LRPPRC: variants seen among roughly 807,000 people sequenced by gnomAD.
LRPPRC encodes the protein leucine-rich PPR motif-containing protein, mitochondrial.
In LRPPRC, 120 loss-of-function variants were observed where a neutral mutation model predicts 180.3. The ratio of observed to expected loss-of-function variants is 0.67; its 90% CI spans 0.57 to 0.77. The LOEUF (loss-of-function observed/expected upper bound fraction) is 0.77. Among genes scored for constraint, LRPPRC ranks in the 30% least tolerant of loss-of-function variants. LRPPRC has a pLI of 0.00. For missense variants in LRPPRC, 2,012 were observed against 1,657.2 expected (o/e 1.21, Z -3.72); for synonymous variants, 723 against 600.0 (o/e 1.21, Z -3.00).
chr2:43,966,386 A>T (rs1294305846), intron 11 of LRPPRC, among the ~76,000 whole-genome samples: 2 of 151,552 alleles, frequency 1.3e-5, no homozygotes, highest in Non-Finnish European at 2.9e-5. Context: ...TTGCTGAGAG[A>T]GTTGATCTCA....
Position 43,995,972 on chromosome 2 carries a change from A to G in LRPPRC, c.-25T>C. On this transcript the variant is annotated 5_prime_UTR_variant, in exon 1 of 38. Coordinates refer to ENST00000260665, the MANE Select transcript of LRPPRC (RefSeq NM_133259.4). ...TTGCTCGAACGTCCCCGCAGCGGGA[A>G]GCACGCTCCGCCAGAAGGACAGGAG... is the stretch of plus-strand genomic sequence containing the variant. 1 of 1,523,668 alleles carries G rather than the reference A, an allele frequency of 6.6e-7. No individual in the cohort carries two copies. The highest frequency in any genetic ancestry group is 8.8e-7 in the Non-Finnish European group (1 of 1,142,110). 94.4% of individuals were successfully genotyped at this position (1,523,668 alleles called of 1,614,324 possible). A position where few individuals can be genotyped will look rare whatever the true frequency, so the allele number is the denominator to read the frequency against.
intron 11 of LRPPRC, among the ~76,000 whole-genome samples, chr2:43,966,135 G>C (rs1307180962): frequency 6.6e-6 from 1 of 151,824 alleles, no homozygotes; most frequent in Non-Finnish European, 1.5e-5. Context: ...TAAAAACAAA[G>C]AAAATCCTGT....
chr2:43,941,468 G>A (rs566086254), intron 23 of LRPPRC, among the ~76,000 whole-genome samples: 28 of 152,264 alleles, frequency 1.8e-4, no homozygotes, highest in African/African-American at 6.0e-4. Flanking sequence ...TTTGCCAGAT[G>A]AGCTCATACC....
chr2:43,947,346 A>G lies in LRPPRC; in HGVS notation c.1990T>C (p.Leu664=), dbSNP rs1175205497. The G allele has an allele frequency of 3.1e-6, 5 of 1,595,182 alleles. No homozygotes were observed. Among genetic ancestry groups the G allele is most frequent in the East Asian group, 4.5e-5 (2 of 44,658 alleles). Residue 664 remains leucine (L), a synonymous_variant, in exon 20 of 38, where the codon TTG becomes CTG. Transcript: ENST00000260665. ...QKTVQLTSSE[L]ESTLETLKAE... ...TTTAGTGTTTCAAGTGTGGACTCCA[A>G]TTCAGATGATGTAAGTTGCACAGTC...
At chr2:43,928,341 T>C (rs1671963607) in intron 25 of LRPPRC, among the ~76,000 whole-genome samples, 1 of 152,180 alleles carries the variant, frequency 6.6e-6, no homozygotes, top group Non-Finnish European at 1.5e-5. Flanking sequence ...AAAATAGATA[T>C]CCAATAATTA....
rs145277664 is a variant in LRPPRC at position 43,932,115 on chromosome 2, C to T, written c.2736+2075G>A. Among the ~76,000 whole-genome samples the T allele has an allele frequency of 2.7e-4, 21 of 77,382 alleles. No individual in the cohort carries two copies. The East Asian group carries it at 0.012, about 44-fold the overall frequency. The allele number at this position is 77,382 out of a possible 152,430, so 50.8% of individuals were successfully genotyped here. The stretch of plus-strand genomic sequence containing the variant: ...CTACAGCCTGGCTAACAAAGCAAGA[C>T]CCTGTCTCAAAAAAAAAAAAAAAAA... On this transcript the variant is annotated intron_variant, in intron 25 of 37. Coordinates refer to ENST00000260665, the MANE Select transcript of LRPPRC (RefSeq NM_133259.4).
chr2:43,890,670 G>T (rs1413505441), intron 36 of LRPPRC, among the ~76,000 whole-genome samples: 1 of 152,164 alleles, frequency 6.6e-6, no homozygotes, highest in East Asian at 1.9e-4. Flanking sequence ...CCGAGATGGT[G>T]CCACTGCACT....
At position 43,920,515 on chromosome 2, in the gene LRPPRC, T is replaced by C. The variant is rs72798850; in HGVS notation, c.2897-2117A>G. Among the ~76,000 whole-genome samples, 493 of 152,312 alleles carry C rather than the reference T, an allele frequency of 3.2e-3. No homozygotes were observed. In the Middle Eastern group the frequency reaches 0.037, roughly 12 times the overall value. On this transcript the variant is annotated intron_variant, in intron 27 of 37. Coordinates refer to ENST00000260665, the MANE Select transcript of LRPPRC (RefSeq NM_133259.4). Reference sequence around the variant, plus strand: ...TAACCTAAAGTGCAGAGTGATTTTATACATATACTGATAAAATTAGCCCAA... The same window carrying C: ...TAACCTAAAGTGCAGAGTGATTTTACACATATACTGATAAAATTAGCCCAA...
chr2:43,979,567 TTGAC>T (rs1218032132), intron 3 of LRPPRC, among the ~76,000 whole-genome samples: 1 of 152,198 alleles, frequency 6.6e-6, no homozygotes, highest in Admixed American at 6.5e-5. Context: ...ATTTATAACT[TTGAC>T]AGACAAACCG....
intron 24 of LRPPRC, among the ~76,000 whole-genome samples, 194 bp from the exon 25 acceptor site, chr2:43,934,490 G>A (rs992003498): frequency 6.6e-6 from 1 of 150,910 alleles, no homozygotes; most frequent in Non-Finnish European, 1.5e-5. Flanking sequence ...TGAGGATAAG[G>A]GTAAAAAAAA....
chr2:43,918,295 A>G lies in LRPPRC; in HGVS notation c.3000T>C (p.Leu1000=), dbSNP rs2105026056. The change falls in exon 28 of 38, where the codon CTT becomes CTC. Residue 1000 remains leucine, a synonymous_variant. Coordinates refer to ENST00000260665, the MANE Select transcript of LRPPRC (RefSeq NM_133259.4). Reference sequence around the variant, plus strand: ...ACGGAACTTCCTGGTTACCCTCTCTAAGGATTTCTGCTAATAATCTTAATG... The same window carrying G: ...ACGGAACTTCCTGGTTACCCTCTCTGAGGATTTCTGCTAATAATCTTAATG... ...EKTLRLLAEI[L]REGNQEVPFD... The G allele has an allele frequency of 6.2e-7, 1 of 1,612,360 alleles. No homozygotes were observed. Among genetic ancestry groups the G allele is most frequent in the Non-Finnish European group, 8.5e-7 (1 of 1,178,454 alleles).
chr2:43,925,998 G>A (rs1242979513), intron 25 of LRPPRC, 37 bp from the exon 26 acceptor site: 22 of 1,194,094 alleles, frequency 1.8e-5, no homozygotes, highest in Non-Finnish European at 2.6e-5. Context: ...CCCAAGGTAA[G>A]GCTTCGGCTG....
At chr2:43,975,356 A>T in intron 6 of LRPPRC, 139 bp from the exon 7 acceptor site, 1 of 646,800 alleles carries the variant, frequency 1.5e-6, no homozygotes, top group South Asian at 1.8e-5. Context: ...ACTAATGTAT[A>T]TTAAACTGGA....
chr2:43,889,141 C>A (rs1227739363), intron 37 of LRPPRC, among the ~76,000 whole-genome samples: 3 of 151,698 alleles, frequency 2.0e-5, no homozygotes, highest in Non-Finnish European at 4.4e-5. Flanking sequence ...ATGGTGAAAC[C>A]CCATCTGTAC....
chr2:43,891,536 C>A (rs1041653631), intron 36 of LRPPRC, among the ~76,000 whole-genome samples: 1 of 152,202 alleles, frequency 6.6e-6, no homozygotes, highest in Non-Finnish European at 1.5e-5. Flanking sequence ...GACCAGTGAT[C>A]TTTGATGTTA....
chr2:43,898,432 G>A lies in LRPPRC; in HGVS notation c.3825+787C>T, dbSNP rs181331955. Among the ~76,000 whole-genome samples, 7 of 152,170 alleles carry A rather than the reference G, an allele frequency of 4.6e-5. No homozygotes were observed. In the East Asian group the frequency reaches 1.4e-3, roughly 29 times the overall value. ...CCCACGCCTCAATTTGACACAGGGA[G>A]TCTACACAAACACAGCCGTTGGCGG... is the stretch of plus-strand genomic sequence containing the variant. On this transcript the variant is annotated intron_variant, in intron 34 of 37. Transcript: ENST00000260665.
intron 31 of LRPPRC, chr2:43,903,173 A>G (rs1670949260): frequency 1.3e-5 from 2 of 152,224 alleles, no homozygotes; most frequent in African/African-American, 2.4e-5. Context: ...CTATTCTCAT[A>G]TAAGGCTTGC....
rs111455780 is a variant in LRPPRC, at chr2:43,951,984, G to A, written c.1650-1384C>T. Among the ~76,000 whole-genome samples, 76 of 152,122 alleles carry A rather than the reference G, an allele frequency of 5.0e-4. 1 individual carries two copies. The highest frequency in any genetic ancestry group is 1.6e-3 in the African/African-American group (68 of 41,514). ...TGAGGTGGGTAGATCACCTGAGGTC[G>A]GGAGTTCAAGACCAGCCTGACTAAC... is the stretch of plus-strand genomic sequence containing the variant. On this transcript the variant is annotated intron_variant, in intron 14 of 37. Coordinates refer to ENST00000260665, the MANE Select transcript of LRPPRC (RefSeq NM_133259.4).
chr2:43,952,242 C>T (rs1216564561), intron 14 of LRPPRC, among the ~76,000 whole-genome samples: 1 of 151,876 alleles, frequency 6.6e-6, no homozygotes, highest in African/African-American at 2.4e-5. Context: ...TCAAACGTGG[C>T]ATGAAGTACC....
Sources: allele counts gnomAD v4.1 joint callset (sites outside exome capture counted in the v4.1 genomes callset), GRCh38; gene constraint gnomAD v4.1.1; transcripts MANE v1.5; gene names NCBI Gene and HGNC (gene_info 2026-07-23, HGNC 2026-07-21).